Variants in CNTNAP5 observed in about 807,000 individuals in gnomAD.
CNTNAP5 encodes contactin-associated protein-like 5.
A neutral mutation model predicts 150.2 loss-of-function variants in CNTNAP5; 72 were observed. The observed-to-expected ratio is 0.48, with a 90% CI of 0.40 to 0.58. CNTNAP5 has a LOEUF of 0.58. CNTNAP5 is among the 20% of genes least tolerant of loss of function. The pLI is 0.00. For synonymous variants in CNTNAP5, 672 were observed against 619.8 expected (o/e 1.08, Z -1.25); for missense variants, 1,636 against 1,626.2 (o/e 1.01, Z -0.10).
chr2:124,654,377 G>A (rs1010040411), intron 13 of CNTNAP5, among the ~76,000 whole-genome samples: 23 of 152,162 alleles, frequency 1.5e-4, no homozygotes, highest in Admixed American at 5.2e-4. Context: ...AATTTGCTAA[G>A]CACATAGACA....
chr2:124,039,515 G>A (rs1026516340), intron 1 of CNTNAP5, among the ~76,000 whole-genome samples: 9 of 152,150 alleles, frequency 5.9e-5, no homozygotes, highest in African/African-American at 1.4e-4. Context: ...CTCCATCAGC[G>A]AGGCTATCTC....
intron 3 of CNTNAP5, among the ~76,000 whole-genome samples, chr2:124,402,867 A>G (rs918073549): frequency 1.3e-5 from 2 of 152,274 alleles, no homozygotes; most frequent in Non-Finnish European, 2.9e-5. Context: ...CTTAGCTACC[A>G]GTAGTGGCCA....
chr2:124,071,383 A>G lies in CNTNAP5; in HGVS notation c.82+45651A>G, dbSNP rs957669960. On this transcript the variant is annotated intron_variant, in intron 1 of 23. Coordinates refer to ENST00000682447, the MANE Select transcript of CNTNAP5 (RefSeq NM_001367498.1). ...ACAAATAAATAAAATTAAAATGAAA[A>G]CAATGCAAAAAATTAACAAAATGAA... Among the ~76,000 whole-genome samples, 8 of 151,908 alleles carry G rather than the reference A, an allele frequency of 5.3e-5. No homozygotes were observed. The South Asian group carries it at 1.4e-3, about 28-fold the overall frequency.
intron 6 of CNTNAP5, among the ~76,000 whole-genome samples, chr2:124,472,225 C>T (rs1195494325): frequency 6.6e-6 from 1 of 152,016 alleles, no homozygotes. Flanking sequence ...AAACAAAATA[C>T]TCTCTTGTCT....
chr2:124,163,658 A>G (rs1684741370), intron 1 of CNTNAP5, among the ~76,000 whole-genome samples: 1 of 152,066 alleles, frequency 6.6e-6, no homozygotes, highest in African/African-American at 2.4e-5. Context: ...TCCTCCCTTA[A>G]ATCTGCACTA....
chr2:124,496,928 G>A (rs1488207913), intron 7 of CNTNAP5, among the ~76,000 whole-genome samples: 1 of 152,100 alleles, frequency 6.6e-6, no homozygotes, highest in Admixed American at 6.6e-5. Context: ...TAGCTACCTG[G>A]ATGTATAACC....
chr2:124,466,845 T>C lies in CNTNAP5; in HGVS notation c.919-7894T>C, dbSNP rs1305957437. ...GAAATACAATCTCCATTCAGTATCA[T>C]CCACATCTGCCAAATAATGAAATAT... is the stretch of plus-strand genomic sequence containing the variant. On this transcript the variant is annotated intron_variant, in intron 6 of 23. Coordinates refer to ENST00000682447, the MANE Select transcript of CNTNAP5 (RefSeq NM_001367498.1). Among the ~76,000 whole-genome samples the C allele has an allele frequency of 3.3e-5, 5 of 152,234 alleles. No individual in the cohort carries two copies. In the East Asian group the frequency reaches 9.7e-4, roughly 29 times the overall value.
chr2:124,330,503 G>A (rs2104679619), intron 3 of CNTNAP5, among the ~76,000 whole-genome samples: 1 of 152,222 alleles, frequency 6.6e-6, no homozygotes, highest in South Asian at 2.1e-4. Context: ...TTGTGATAGT[G>A]TGTGAGTTCT....
intron 1 of CNTNAP5, among the ~76,000 whole-genome samples, chr2:124,099,716 G>A (rs1173328808): frequency 3.3e-5 from 5 of 152,150 alleles, no homozygotes; most frequent in Admixed American, 3.3e-4. Context: ...TGAGACCTAA[G>A]GGAGCTTTTA....
intron 1 of CNTNAP5, among the ~76,000 whole-genome samples, chr2:124,149,911 TGAG>T (rs1684363612): frequency 6.6e-6 from 1 of 152,180 alleles, no homozygotes; most frequent in African/African-American, 2.4e-5. Flanking sequence ...CTGATGGAGA[TGAG>T]GAGATTCTGG....
intron 1 of CNTNAP5, among the ~76,000 whole-genome samples, chr2:124,189,086 C>A (rs527687122): frequency 3.9e-5 from 6 of 151,914 alleles, no homozygotes; most frequent in African/African-American, 7.3e-5. Flanking sequence ...TCATGAGTGG[C>A]CTCTAGATAA....
chr2:124,722,765 C>T (rs11693380), intron 13 of CNTNAP5, among the ~76,000 whole-genome samples: 40,065 of 152,076 alleles, frequency 0.26, 5,840 homozygotes, highest in Non-Finnish European at 0.34. Context: ...GGACAGTGGC[C>T]GCAGTGACAG....
At position 124,894,519 on chromosome 2, in the gene CNTNAP5, C is replaced by T. The variant is rs551666902; in HGVS notation, c.3437-8363C>T. On this transcript the variant is annotated intron_variant, in intron 21 of 23. Coordinates refer to ENST00000682447, the MANE Select transcript of CNTNAP5 (RefSeq NM_001367498.1). ...CCAAAGAAATGAGATTTTATATCAA[C>T]GTGCAAATCCTGCTGTTTTTTATTT... Among the ~76,000 whole-genome samples, 9 of 151,114 alleles carry T rather than the reference C, an allele frequency of 6.0e-5. 1 individual carries two copies. The highest frequency in any genetic ancestry group is 4.2e-4 in the South Asian group (2 of 4,808).
At chr2:124,059,232 A>G (rs1427947328) in intron 1 of CNTNAP5, among the ~76,000 whole-genome samples, 1 of 152,198 alleles carries the variant, frequency 6.6e-6, no homozygotes, top group African/African-American at 2.4e-5. Context: ...AAAATTTCCA[A>G]AAACTAATGG....
intron 3 of CNTNAP5, among the ~76,000 whole-genome samples, chr2:124,414,134 T>A (rs1558890900): frequency 6.6e-6 from 1 of 151,710 alleles, no homozygotes; most frequent in Non-Finnish European, 1.5e-5. Context: ...TTTTTTTTTT[T>A]TCTGATGAGT....
At chr2:124,902,445 C>G (rs1262320097) in intron 21 of CNTNAP5, among the ~76,000 whole-genome samples, 1 of 151,936 alleles carries the variant, frequency 6.6e-6, no homozygotes, top group Non-Finnish European at 1.5e-5. Context: ...TATTTTTTTT[C>G]TCTTGCTACA....
chr2:124,713,236 TTTCTTTC>T, intron 13 of CNTNAP5, among the ~76,000 whole-genome samples: 1 of 41,952 alleles, frequency 2.4e-5, no homozygotes, highest in Non-Finnish European at 5.1e-5. Context: ...TCTTTCTTTC[TTTCTTTC>T]TCTTTCTTTC....
intron 17 of CNTNAP5, among the ~76,000 whole-genome samples, chr2:124,775,229 C>T (rs1482836): frequency 0.16 from 24,250 of 152,062 alleles, 2,098 homozygotes; most frequent in African/African-American, 0.2. Flanking sequence ...TCAACATTTC[C>T]ATCTTGCACA....
intron 13 of CNTNAP5, among the ~76,000 whole-genome samples, chr2:124,734,490 G>A (rs1680341031): frequency 6.6e-6 from 1 of 151,934 alleles, no homozygotes; most frequent in African/African-American, 2.4e-5. Context: ...GAATGGGAAT[G>A]GGGGCTAGCG....
Sources: allele counts gnomAD v4.1 joint callset (sites outside exome capture counted in the v4.1 genomes callset), GRCh38; gene constraint gnomAD v4.1.1; transcripts MANE v1.5; gene names NCBI Gene and HGNC (gene_info 2026-07-23, HGNC 2026-07-21).